MAF: variants seen among roughly 807,000 people sequenced by gnomAD.
MAF encodes the protein transcription factor Maf.
MAF carries 10 observed loss-of-function variants against 22.0 expected under a neutral mutation model. That is an observed-to-expected ratio of 0.45 (90% CI 0.28 to 0.77). The LOEUF is 0.77. Ranked by LOEUF, MAF falls within the 30% of genes least tolerant of loss-of-function variation. MAF has a pLI of 0.12. For missense variants in MAF, 544 were observed against 548.4 expected, an observed-to-expected ratio of 0.99 and a Z score of 0.08; for synonymous variants, 337 against 255.8, an observed-to-expected ratio of 1.32 and a Z score of -3.03.
the MAF span, among the ~76,000 whole-genome samples, chr16:79,354,352 T>C: frequency 6.6e-6 from 1 of 151,394 alleles, no homozygotes; most frequent in African/African-American, 2.4e-5. Flanking sequence ...ACACACGAGA[T>C]GGTGAGGAGC....
chr16:79,209,897 C>T, the MAF span, among the ~76,000 whole-genome samples: 35 of 152,292 alleles, frequency 2.3e-4, no homozygotes, highest in African/African-American at 7.7e-4. Flanking sequence ...ATGACATGAA[C>T]TCATTTCCAT....
the MAF span, among the ~76,000 whole-genome samples, chr16:79,507,794 T>C: frequency 6.6e-6 from 1 of 152,236 alleles, no homozygotes; most frequent in Non-Finnish European, 1.5e-5. Flanking sequence ...TGTAAGTCAC[T>C]GCAATAAGGG....
the MAF span, among the ~76,000 whole-genome samples, chr16:79,268,674 G>A: frequency 4.6e-5 from 7 of 152,292 alleles, no homozygotes; most frequent in African/African-American, 1.2e-4. Flanking sequence ...CCAAACTGTA[G>A]GCTGAAAGAA....
the MAF span, among the ~76,000 whole-genome samples, chr16:79,514,654 T>G: frequency 6.6e-6 from 1 of 152,152 alleles, no homozygotes; most frequent in East Asian, 1.9e-4. Flanking sequence ...ATAACTCCTA[T>G]GGATAGTCCC....
At chr16:79,231,511 G>T in the MAF span, among the ~76,000 whole-genome samples, 22 of 152,150 alleles carry the variant, frequency 1.4e-4, 1 homozygote, top group Admixed American at 2.6e-4. Flanking sequence ...TGGCTCATTG[G>T]ATTCAAATGT....
chr16:79,293,177 C>G, the MAF span, among the ~76,000 whole-genome samples: 1,770 of 152,250 alleles, frequency 0.012, 39 homozygotes, highest in African/African-American at 0.04. Context: ...GGTCCAAGAA[C>G]CCTCTCTTGG....
At chr16:79,487,931 C>CCCT in the MAF span, among the ~76,000 whole-genome samples, 25 of 152,340 alleles carry the variant, frequency 1.6e-4, no homozygotes, top group Non-Finnish European at 2.5e-4. Flanking sequence ...GGGGATAAGG[C>CCCT]CCTGTGCTCA....
the MAF span, among the ~76,000 whole-genome samples, chr16:79,211,326 G>A: frequency 1.3e-3 from 201 of 152,276 alleles, 1 homozygote; most frequent in Middle Eastern, 0.01. Context: ...CGCCTGCCAC[G>A]ACGTATTGAT....
At chr16:79,595,390 TTCAG>T (rs1430165832) in intron 1 of MAF, 1 of 1,052,422 alleles carries the variant, frequency 9.5e-7, no homozygotes, top group Non-Finnish European at 1.1e-6. Flanking sequence ...AAATAAGTCT[TTCAG>T]TCAGAGTTGC....
At chr16:79,471,612 G>C in the MAF span, among the ~76,000 whole-genome samples, 1 of 152,210 alleles carries the variant, frequency 6.6e-6, no homozygotes, top group African/African-American at 2.4e-5. Flanking sequence ...TGGAAGCAGA[G>C]GTTGCAGTGA....
the MAF span, among the ~76,000 whole-genome samples, chr16:79,316,349 C>A: frequency 6.6e-6 from 1 of 152,204 alleles, no homozygotes; most frequent in Admixed American, 6.5e-5. Context: ...GCTCTATTCA[C>A]CCATAAATGG....
the MAF span, among the ~76,000 whole-genome samples, chr16:79,458,933 G>A: frequency 0.037 from 5,696 of 152,236 alleles, 109 homozygotes; most frequent in South Asian, 0.054. Context: ...AGGGAAAGAT[G>A]TACTTTTCAT....
At chr16:79,505,155 G>A in the MAF span, among the ~76,000 whole-genome samples, 1 of 152,122 alleles carries the variant, frequency 6.6e-6, no homozygotes, top group Non-Finnish European at 1.5e-5. Context: ...TTCCAAGTAG[G>A]AGGAAAACAG....
chr16:79,369,944 G>C, the MAF span, among the ~76,000 whole-genome samples: 1 of 152,136 alleles, frequency 6.6e-6, no homozygotes, highest in African/African-American at 2.4e-5. Flanking sequence ...CCCCACAGAG[G>C]GCCTCTCCCA....
the MAF span, among the ~76,000 whole-genome samples, chr16:79,389,976 CAAAAAAAAA>C: frequency 6.4e-5 from 4 of 62,966 alleles, no homozygotes; most frequent in East Asian, 5.2e-4. Flanking sequence ...GACTCCATCT[CAAAAAAAAA>C]AAAAAAAAAA....
chr16:79,376,708 T>C, the MAF span, among the ~76,000 whole-genome samples: 2 of 152,120 alleles, frequency 1.3e-5, no homozygotes, highest in African/African-American at 4.8e-5. Context: ...CCCTGGTGTG[T>C]GATGTTCCCC....
At chr16:79,245,987 C>G in the MAF span, among the ~76,000 whole-genome samples, 1 of 151,966 alleles carries the variant, frequency 6.6e-6, no homozygotes, top group African/African-American at 2.4e-5. Context: ...TGTTCTGACT[C>G]AAAAGTGGGA....
the MAF span, among the ~76,000 whole-genome samples, chr16:79,220,275 G>A: frequency 0.47 from 56,723 of 121,952 alleles, 14,555 homozygotes; most frequent in Non-Finnish European, 0.61. Flanking sequence ...AAAAAAAAAA[G>A]TTAAAGTTAA....
chr16:79,243,440 C>G, the MAF span, among the ~76,000 whole-genome samples: 2 of 151,972 alleles, frequency 1.3e-5, no homozygotes, highest in Non-Finnish European at 2.9e-5. Context: ...ATAAACACCT[C>G]TATGCAAATA....
Sources: gnomAD v4.1 joint callset for allele counts (sites outside exome capture counted in the v4.1 genomes callset) on GRCh38, gnomAD v4.1.1 for gene constraint, MANE v1.5 for transcripts, NCBI Gene and HGNC (gene_info 2026-07-23, HGNC 2026-07-21) for gene names.